Variants in CNTN6 observed in about 807,000 individuals in gnomAD.
The protein encoded by CNTN6 is contactin 6.
CNTN6 carries 137 observed loss-of-function variants against 122.8 expected under a neutral mutation model. That is an observed-to-expected ratio of 1.12 (90% CI 0.97 to 1.29). The LOEUF (loss-of-function observed/expected upper bound fraction) is 1.29. CNTN6 is among the 50% of genes most tolerant of loss of function. The pLI, the probability that CNTN6 is intolerant of heterozygous loss-of-function variation, is 0.00. For missense variants in CNTN6, 1,634 were observed against 1,223.4 expected (o/e 1.34, Z -5.01); for synonymous variants, 570 against 426.0 (o/e 1.34, Z -4.16).
At chr3:1,175,068 T>A (rs1238307544) in intron 2 of CNTN6, among the ~76,000 whole-genome samples, 1 of 151,674 alleles carries the variant, frequency 6.6e-6, no homozygotes, top group Non-Finnish European at 1.5e-5. Flanking sequence ...AGACCCCATC[T>A]ACAAAAAACA....
Position 1,295,679 on chromosome 3 carries a change from C to A in CNTN6, c.533C>A (p.Thr178Lys), listed in dbSNP as rs574681005. The change falls in exon 6 of 23, where the codon ACG becomes AAG. Residue 178 changes from threonine to lysine, a missense_variant. By Grantham distance (78) the Thr-to-Lys change is moderately conservative. Coordinates refer to ENST00000446702, the MANE Select transcript of CNTN6 (RefSeq NM_001289080.2). ...EDNRRFVSQE[T>K]GNLYIAKVEP... ...AATAGGCGATTTGTATCTCAAGAGA[C>A]GGGAAACTTGTACATTGCCAAAGTG... 3.7e-6 allele frequency: 6 copies of A among 1,613,832 alleles called. No homozygotes were observed. The highest frequency in any genetic ancestry group is 2.2e-5 in the East Asian group (1 of 44,888).
chr3:1,393,906 C>G (rs1694624559), intron 20 of CNTN6, among the ~76,000 whole-genome samples: 1 of 152,148 alleles, frequency 6.6e-6, no homozygotes, highest in South Asian at 2.1e-4. Flanking sequence ...TCACATCTCA[C>G]TACTAATTTT....
At chr3:1,342,946 T>G (rs181209368) in intron 11 of CNTN6, among the ~76,000 whole-genome samples, 1 of 152,190 alleles carries the variant, frequency 6.6e-6, no homozygotes, top group African/African-American at 2.4e-5. Flanking sequence ...TGTGCCTGCC[T>G]CTCCTGCCTC....
In CNTN6 at chr3:1,129,872, T is replaced by C. The variant is rs541112817; in HGVS notation, c.-82-18055T>C. Among the ~76,000 whole-genome samples, 97 of 151,350 alleles carry C rather than the reference T, an allele frequency of 6.4e-4. 1 individual carries two copies. The highest frequency in any genetic ancestry group is 2.3e-3 in the African/African-American group (96 of 41,044). The stretch of plus-strand genomic sequence containing the variant: ...GAAAACTATTTACATCAAGACTCTA[T>C]TCATTTGTATAAAATAGTTTGTTTT... On this transcript the variant is annotated intron_variant, in intron 1 of 22. Coordinates refer to ENST00000446702, the MANE Select transcript of CNTN6 (RefSeq NM_001289080.2).
chr3:1,224,699 A>G (rs561130403), intron 3 of CNTN6, among the ~76,000 whole-genome samples: 32 of 152,166 alleles, frequency 2.1e-4, no homozygotes, highest in African/African-American at 7.2e-4. Flanking sequence ...ACAAACACAC[A>G]CATATTACGG....
At chr3:1,162,827 C>A (rs2093166002) in intron 2 of CNTN6, among the ~76,000 whole-genome samples, 1 of 152,208 alleles carries the variant, frequency 6.6e-6, no homozygotes, top group Admixed American at 6.5e-5. Context: ...GCCAGTTTTT[C>A]TGTTTATCAT....
chr3:1,230,165 AAGGCC>A (rs2094336212), intron 4 of CNTN6, among the ~76,000 whole-genome samples: 1 of 152,178 alleles, frequency 6.6e-6, no homozygotes, highest in Non-Finnish European at 1.5e-5. Context: ...TGTGATAGAA[AAGGCC>A]TTTGGTAGGA....
chr3:1,218,048 G>A (rs2125508611), intron 2 of CNTN6, among the ~76,000 whole-genome samples: 1 of 152,298 alleles, frequency 6.6e-6, no homozygotes, highest in South Asian at 2.1e-4. Context: ...ATGTGGAAGA[G>A]GAGAGCCACA....
At chr3:1,119,026 C>A (rs150475629) in intron 1 of CNTN6, among the ~76,000 whole-genome samples, 253 of 152,192 alleles carry the variant, frequency 1.7e-3, no homozygotes, top group African/African-American at 5.8e-3. Flanking sequence ...TGATCCATCT[C>A]CCATCTTTCT....
intron 7 of CNTN6, among the ~76,000 whole-genome samples, chr3:1,317,939 G>A (rs1034626769): frequency 1.3e-5 from 2 of 148,828 alleles, no homozygotes; most frequent in Non-Finnish European, 3.0e-5. Context: ...TAGAATCCAG[G>A]ACATTAATTC....
intron 7 of CNTN6, among the ~76,000 whole-genome samples, chr3:1,308,656 CA>C (rs1207256905): frequency 6.6e-6 from 1 of 151,894 alleles, no homozygotes; most frequent in African/African-American, 2.4e-5. Flanking sequence ...AATCCATTAC[CA>C]CATGGATCAC....
intron 12 of CNTN6, among the ~76,000 whole-genome samples, chr3:1,361,556 C>T (rs1707467666): frequency 6.6e-6 from 1 of 152,016 alleles, no homozygotes; most frequent in South Asian, 2.1e-4. Context: ...ATTTCTTTCT[C>T]TAACTGACAG....
chr3:1,297,045 A>G (rs1417271038), intron 6 of CNTN6, among the ~76,000 whole-genome samples: 6 of 152,150 alleles, frequency 3.9e-5, no homozygotes, highest in Non-Finnish European at 1.5e-5. Flanking sequence ...GTGAAAAAGA[A>G]TAAAACCTAC....
At chr3:1,154,590 T>C (rs1382060603) in intron 2 of CNTN6, among the ~76,000 whole-genome samples, 1 of 151,922 alleles carries the variant, frequency 6.6e-6, no homozygotes, top group African/African-American at 2.4e-5. Flanking sequence ...ATTACGGGCA[T>C]GCACCACCAC....
chr3:1,148,040 T>G lies in CNTN6; in HGVS notation c.32T>G (p.Leu11Arg). 1.9e-6 allele frequency: 3 copies of G among 1,608,716 alleles called. No individual in the cohort carries two copies. Among genetic ancestry groups the G allele is most frequent in the Non-Finnish European group, 2.6e-6 (3 of 1,176,076 alleles). Residue 11 changes from leucine (L) to arginine (R), a missense_variant, in exon 2 of 23, where the codon CTG (leucine) becomes CGG (arginine). Transcript: ENST00000446702. Reference protein sequence around the residue: MRLLWKLVILLPLINSSAGDG... With the variant: MRLLWKLVILRPLINSSAGDG... The stretch of plus-strand genomic sequence containing the variant: ...TTGCTATGGAAACTGGTAATTCTGC[T>G]GCCACTCATAAACTCTTCTGCAGGT...
chr3:1,222,403 A>G (rs1395061540), intron 3 of CNTN6, among the ~76,000 whole-genome samples: 1 of 152,226 alleles, frequency 6.6e-6, no homozygotes, highest in Non-Finnish European at 1.5e-5. Flanking sequence ...GTTAGTAGAG[A>G]AAGAATATAA....
At chr3:1,212,281 CT>C (rs1262072007) in intron 2 of CNTN6, among the ~76,000 whole-genome samples, 1 of 118,008 alleles carries the variant, frequency 8.5e-6, no homozygotes, top group Non-Finnish European at 1.7e-5. Context: ...GAGATAAGGT[CT>C]TGAACTTCTG....
intron 4 of CNTN6, among the ~76,000 whole-genome samples, chr3:1,228,387 C>T (rs188143706): frequency 2.0e-5 from 3 of 152,060 alleles, no homozygotes; most frequent in Non-Finnish European, 4.4e-5. Flanking sequence ...GGGAGGTGGG[C>T]GTTCTCCCAA....
chr3:1,316,264 A>G (rs1324818494), intron 7 of CNTN6, among the ~76,000 whole-genome samples: 1 of 151,968 alleles, frequency 6.6e-6, no homozygotes, highest in African/African-American at 2.4e-5. Context: ...TAAAGAAAAG[A>G]GGTTTAATTG....
Sources: gnomAD v4.1 joint callset for allele counts (sites outside exome capture counted in the v4.1 genomes callset) on GRCh38, gnomAD v4.1.1 for gene constraint, MANE v1.5 for transcripts, NCBI Gene and HGNC (gene_info 2026-07-23, HGNC 2026-07-21) for gene names.